ALDH3B2: variants seen among roughly 807,000 people sequenced by gnomAD.
ALDH3B2 encodes the protein aldehyde dehydrogenase family 3 member B2.
Under a neutral mutation model 36.7 loss-of-function variants are expected in ALDH3B2, and 45 were observed. The observed-to-expected ratio is 1.23, with a 90% CI of 0.97 to 1.57. The LOEUF is 1.57. Ranked by LOEUF, ALDH3B2 falls within the 40% of genes most tolerant of loss-of-function variation. The pLI is 0.00. For synonymous variants in ALDH3B2, 217 were observed against 226.5 expected, an observed-to-expected ratio of 0.96 and a Z score of 0.38; for missense variants, 464 against 513.3, an observed-to-expected ratio of 0.90 and a Z score of 0.93.
Position 67,672,854 on chromosome 11 carries a change from G to A in ALDH3B2, c.-245+1583C>T, listed in dbSNP as rs547930986. Among the ~76,000 whole-genome samples, 6 of 151,958 alleles carry A rather than the reference G, an allele frequency of 3.9e-5. No individual in the cohort carries two copies. In the South Asian group the frequency reaches 1.2e-3, roughly 32 times the overall value. On this transcript the variant is annotated intron_variant, in intron 1 of 9. Coordinates refer to ENST00000349015, the Ensembl canonical transcript of ALDH3B2. ...GATGCACCTGCCTCAGCCTCCTAAA[G>A]TGCTGGGATTACAGGCATGAGTCAC...
chr11:67,664,622 G>A, intron 7 of ALDH3B2, 60 bp from the exon 8 acceptor site: 1 of 1,590,544 alleles, frequency 6.3e-7, no homozygotes, highest in Non-Finnish European at 8.5e-7. Flanking sequence ...CCCAGGGGTA[G>A]GGTAGAGGTG....
chr11:67,678,158 A>G (rs1378133839), upstream of ALDH3B2, among the ~76,000 whole-genome samples: 1 of 152,174 alleles, frequency 6.6e-6, no homozygotes, highest in East Asian at 1.9e-4. Flanking sequence ...CGCACAGCAA[A>G]AGCAAGACTA....
At chr11:67,676,999 T>C (rs923461687), upstream of ALDH3B2, among the ~76,000 whole-genome samples, 1 of 152,074 alleles carries the variant, frequency 6.6e-6, no homozygotes, top group Non-Finnish European at 1.5e-5. Context: ...ACCAGAAGGA[T>C]TCACAGCAGA....
At chr11:67,664,446 T>C (rs1364616283) in exon 8 of ALDH3B2, 1 of 1,614,126 alleles carries the variant, frequency 6.2e-7, no homozygotes, top group Admixed American at 1.7e-5. Flanking sequence ...TCCTGCCGGT[T>C]GATGAACTTG....
upstream of ALDH3B2, among the ~76,000 whole-genome samples, chr11:67,675,989 T>C (rs1249473968): frequency 6.6e-6 from 1 of 152,244 alleles, no homozygotes; most frequent in African/African-American, 2.4e-5. Context: ...CTCATGCCTG[T>C]AATCCCAGCA....
At position 67,669,727 on chromosome 11, in the gene ALDH3B2, T is replaced by C. The variant is rs1314546870; in HGVS notation, c.-244-2092A>G. ...ATGGGTGTCTGTGTGCGTATGGGTG[T>C]CTGTGTGTGTATGGGTGTCTGTGTC... On this transcript the variant is annotated intron_variant, in intron 1 of 9. Coordinates refer to ENST00000349015, the Ensembl canonical transcript of ALDH3B2. Among the ~76,000 whole-genome samples the C allele has an allele frequency of 9.5e-5, 14 of 146,652 alleles. 1 individual carries two copies.
intron 5 of ALDH3B2, 35 bp from the exon 6 acceptor site, chr11:67,666,238 G>GA (rs1855905983): frequency 6.8e-7 from 1 of 1,465,010 alleles, no homozygotes; most frequent in South Asian, 1.2e-5. Context: ...GGGCGGGCTC[G>GA]GGGCCAGCCG....
At chr11:67,678,588 GAT>G (rs1317170534), upstream of ALDH3B2, among the ~76,000 whole-genome samples, 1 of 150,290 alleles carries the variant, frequency 6.7e-6, no homozygotes, top group African/African-American at 2.5e-5. Context: ...AAGAAACTAT[GAT>G]ATATATATAC....
chr11:67,680,552 G>T lies in ALDH3B2; in HGVS notation c.-245+624C>A, dbSNP rs1002957302. ...CAGCCTCGGCCTCCTGAGTAGCTGG[G>T]ACTACAGGCACACACCACCAGGCTC... On this transcript the variant is annotated intron_variant, in intron 1 of 9. Coordinates refer to the ALDH3B2 transcript ENST00000530069. Among the ~76,000 whole-genome samples the T allele has an allele frequency of 7.9e-5, 12 of 152,184 alleles. No individual in the cohort carries two copies. The East Asian group carries it at 1.7e-3, about 22-fold the overall frequency.
At position 67,666,115 on chromosome 11, in the gene ALDH3B2, C is replaced by T. The variant is rs373409168; in HGVS notation, c.319+7G>A. ...CCTACTCTGGGACCCTGGCCTGGCC[C>T]CCTCACCTGTGAAGAAGATGTAGTC... is the stretch of plus-strand genomic sequence containing the variant. On this transcript the variant is annotated splice_region_variant and intron_variant, in intron 6 of 9. Coordinates refer to ENST00000349015, the Ensembl canonical transcript of ALDH3B2. The T allele has an allele frequency of 3.0e-5, 48 of 1,614,090 alleles. No individual in the cohort carries two copies. The highest frequency in any genetic ancestry group is 3.6e-5 in the Non-Finnish European group (43 of 1,179,964).
exon 10 of ALDH3B2, chr11:67,663,368 C>T: frequency 6.2e-7 from 1 of 1,613,692 alleles, no homozygotes. Flanking sequence ...CGAAGGTGAA[C>T]TTGCCGTGGT....
At chr11:67,667,351 G>A in intron 2 of ALDH3B2, 122 bp downstream of exon 2, 1 of 376,008 alleles carries the variant, frequency 2.7e-6, no homozygotes, top group Non-Finnish European at 4.8e-6. Flanking sequence ...CAGGGAGGGG[G>A]TCTGTTAAAC....
intron 1 of ALDH3B2, among the ~76,000 whole-genome samples, chr11:67,668,187 G>A (rs1855973080): frequency 6.6e-6 from 1 of 152,204 alleles, no homozygotes; most frequent in Non-Finnish European, 1.5e-5. Context: ...CCCTAGCCCT[G>A]AGGAGGGTTT....
At chr11:67,672,132 G>GTA (rs1316141722) in intron 1 of ALDH3B2, among the ~76,000 whole-genome samples, 4,520 of 95,720 alleles carry the variant, frequency 0.047, 369 homozygotes, top group Non-Finnish European at 0.057. Flanking sequence ...GTGTGTGTGT[G>GTA]TGTATATATA....
upstream of ALDH3B2, among the ~76,000 whole-genome samples, chr11:67,676,093 A>G (rs1406405399): frequency 1.3e-5 from 2 of 152,062 alleles, no homozygotes; most frequent in Non-Finnish European, 2.9e-5. Flanking sequence ...TAAAAATACA[A>G]AAAATTAGCC....
Position 67,680,662 on chromosome 11 carries a change from C to T in ALDH3B2, c.-245+514G>A, listed in dbSNP as rs138496527. Among the ~76,000 whole-genome samples, 1,751 of 152,268 alleles carry T rather than the reference C, an allele frequency of 0.011. 73 individuals carry two copies. The East Asian group carries it at 0.13, about 11-fold the overall frequency. On this transcript the variant is annotated intron_variant, in intron 1 of 9. Coordinates refer to the ALDH3B2 transcript ENST00000530069. The stretch of plus-strand genomic sequence containing the variant: ...AAACTCCTGGGCTCAAGTGATCCAC[C>T]TGCCTCGGCTTCCCAAAGTTCTAGG...
exon 10 of ALDH3B2, chr11:67,662,817 G>C (rs1855780487): frequency 9.2e-6 from 2 of 217,960 alleles, no homozygotes; most frequent in Non-Finnish European, 1.8e-5. Context: ...GTGCCTAGAG[G>C]GGAGAGCAAA....
upstream of ALDH3B2, among the ~76,000 whole-genome samples, chr11:67,675,034 T>A (rs932189583): frequency 1.3e-5 from 2 of 152,154 alleles, no homozygotes; most frequent in Non-Finnish European, 2.9e-5. Context: ...CCTCCTCTCC[T>A]GTCCTCACTC....
chr11:67,668,725 GTGTC>G (rs1855991125), intron 1 of ALDH3B2, among the ~76,000 whole-genome samples: 1 of 147,832 alleles, frequency 6.8e-6, no homozygotes, highest in African/African-American at 2.5e-5. Flanking sequence ...GTGTGTATGG[GTGTC>G]TGTGTGTGTC....
Sources: allele counts gnomAD v4.1 joint callset (sites outside exome capture counted in the v4.1 genomes callset), GRCh38; gene constraint gnomAD v4.1.1; transcripts MANE v1.5; gene names NCBI Gene and HGNC (gene_info 2026-07-23, HGNC 2026-07-21).